KIAA1328: variants seen among roughly 807,000 people sequenced by gnomAD.
The protein encoded by KIAA1328 is protein hinderin.
A neutral mutation model predicts 68.1 loss-of-function variants in KIAA1328; 52 were observed. The ratio of observed to expected loss-of-function variants is 0.76; its 90% CI spans 0.61 to 0.96. KIAA1328 has a LOEUF of 0.96. KIAA1328 is among the 40% of genes least tolerant of loss of function. The pLI, the probability that KIAA1328 is intolerant of heterozygous loss-of-function variation, is 0.00. For missense variants in KIAA1328, 641 were observed against 677.6 expected, an observed-to-expected ratio of 0.95 and a Z score of 0.60; for synonymous variants, 232 against 239.4, an observed-to-expected ratio of 0.97 and a Z score of 0.28.
chr18:36,885,514 T>A (rs2048466456), intron 4 of KIAA1328, 43 bp from the exon 5 acceptor site: 3 of 1,235,316 alleles, frequency 2.4e-6, no homozygotes, highest in Non-Finnish European at 3.3e-6. Flanking sequence ...CATATTTAAT[T>A]TTATTCTGAT....
intron 6 of KIAA1328, among the ~76,000 whole-genome samples, chr18:37,027,842 G>A (rs991463587): frequency 6.6e-6 from 1 of 151,968 alleles, no homozygotes; most frequent in Non-Finnish European, 1.5e-5. Context: ...CAAAAGCAAT[G>A]GCAACAAAAG....
intron 1 of KIAA1328, among the ~76,000 whole-genome samples, chr18:36,831,383 G>A (rs758874111): frequency 3.9e-5 from 6 of 152,060 alleles, no homozygotes; most frequent in Non-Finnish European, 8.8e-5. Flanking sequence ...CACAAGGAAC[G>A]TTTTAGTACC....
chr18:37,020,589 GCT>G (rs953375608), intron 6 of KIAA1328, among the ~76,000 whole-genome samples: 1 of 152,172 alleles, frequency 6.6e-6, no homozygotes, highest in African/African-American at 2.4e-5. Flanking sequence ...AACTGTACCA[GCT>G]TCCTTTGTAA....
intron 6 of KIAA1328, 44 bp from the exon 7 acceptor site, chr18:37,066,846 T>G (rs1292930795): frequency 6.8e-7 from 1 of 1,472,140 alleles, no homozygotes; most frequent in Non-Finnish European, 9.0e-7. Context: ...AGAACTTGTT[T>G]TGTTGTGTTC....
chr18:37,122,299 A>G (rs2058291166), intron 7 of KIAA1328, among the ~76,000 whole-genome samples: 1 of 152,102 alleles, frequency 6.6e-6, no homozygotes, highest in Admixed American at 6.6e-5. Flanking sequence ...TTAGTAACAG[A>G]GAGAGTGAGA....
At chr18:37,178,498 T>C (rs1016703817) in intron 9 of KIAA1328, among the ~76,000 whole-genome samples, 6 of 152,190 alleles carry the variant, frequency 3.9e-5, no homozygotes, top group Non-Finnish European at 8.8e-5. Context: ...TTATGGACAC[T>C]TAGGTTGATT....
chr18:36,895,732 C>T, intron 5 of KIAA1328: 1 of 455,854 alleles, frequency 2.2e-6, no homozygotes, highest in Non-Finnish European at 4.4e-6. Context: ...AAGCTCTAAC[C>T]CCCAGTGAGA....
chr18:36,881,724 C>A (rs1376743918), intron 4 of KIAA1328, among the ~76,000 whole-genome samples: 1 of 152,104 alleles, frequency 6.6e-6, no homozygotes. Flanking sequence ...CTTTTGAAAC[C>A]AGTTTTTAAA....
intron 4 of KIAA1328, among the ~76,000 whole-genome samples, chr18:36,877,943 G>A (rs1209696534): frequency 1.3e-5 from 2 of 151,908 alleles, no homozygotes; most frequent in African/African-American, 4.8e-5. Context: ...CTGGGATTAC[G>A]GGCCTGAGCC....
intron 1 of KIAA1328, among the ~76,000 whole-genome samples, chr18:36,830,128 T>C (rs1233646122): frequency 1.3e-5 from 2 of 152,212 alleles, no homozygotes; most frequent in Non-Finnish European, 2.9e-5. Context: ...CTGTTACCTT[T>C]GGCAGAATCA....
At chr18:37,136,206 C>T (rs922506089) in intron 7 of KIAA1328, among the ~76,000 whole-genome samples, 1 of 152,136 alleles carries the variant, frequency 6.6e-6, no homozygotes, top group African/African-American at 2.4e-5. Flanking sequence ...TGTTGATTCA[C>T]CAGTGGACCT....
intron 7 of KIAA1328, chr18:37,084,136 A>G: frequency 6.7e-7 from 1 of 1,488,652 alleles, no homozygotes; most frequent in Non-Finnish European, 8.9e-7. Flanking sequence ...TTAAAAGCTC[A>G]GGCTCTGTTT....
chr18:37,067,428 T>C lies in KIAA1328; in HGVS notation c.1115T>C (p.Leu372Pro), dbSNP rs2056381108. The change falls in exon 7 of 10, where the codon CTT (leucine) becomes CCT (proline). Residue 372 changes from leucine to proline, a missense_variant. Coordinates refer to ENST00000280020, the MANE Select transcript of KIAA1328 (RefSeq NM_020776.3). ...ISEDRKQQLMLQKMELEIEKE... is the reference protein window; with the variant it reads ...ISEDRKQQLMPQKMELEIEKE... Reference sequence around the variant, plus strand: ...GAAGATAGAAAGCAGCAACTGATGCTTCAGAAAATGGAACTGGAAATTGAA... The same window carrying C: ...GAAGATAGAAAGCAGCAACTGATGCCTCAGAAAATGGAACTGGAAATTGAA... The C allele has an allele frequency of 6.2e-7, 1 of 1,602,764 alleles. No homozygotes were observed. The highest frequency in any genetic ancestry group is 1.3e-5 in the African/African-American group (1 of 74,840).
chr18:37,212,800 AACCTCC>A, intron 9 of KIAA1328, among the ~76,000 whole-genome samples: 1 of 152,274 alleles, frequency 6.6e-6, no homozygotes, highest in East Asian at 1.9e-4. Context: ...GGCTCACTGC[AACCTCC>A]ACCTCCTGGG....
intron 4 of KIAA1328, among the ~76,000 whole-genome samples, chr18:36,878,478 G>A (rs1445298017): frequency 6.6e-6 from 1 of 152,014 alleles, no homozygotes; most frequent in Non-Finnish European, 1.5e-5. Flanking sequence ...GATGAATCTG[G>A]TGATTATGTG....
chr18:37,167,996 C>T (rs1266955652), intron 8 of KIAA1328, among the ~76,000 whole-genome samples: 1 of 152,036 alleles, frequency 6.6e-6, no homozygotes, highest in Non-Finnish European at 1.5e-5. Flanking sequence ...CCGAATACAG[C>T]ATATTGAAAG....
chr18:36,952,213 T>C (rs2051188668), intron 5 of KIAA1328, among the ~76,000 whole-genome samples: 1 of 152,194 alleles, frequency 6.6e-6, no homozygotes, highest in South Asian at 2.1e-4. Context: ...TACATCTATA[T>C]ACTTCTTTTC....
intron 5 of KIAA1328, among the ~76,000 whole-genome samples, chr18:36,935,681 A>C (rs2050473322): frequency 6.6e-6 from 1 of 152,164 alleles, no homozygotes; most frequent in East Asian, 1.9e-4. Context: ...TAGGAAGGAA[A>C]AGGATGTATC....
At chr18:37,017,725 C>A (rs1229535047) in intron 6 of KIAA1328, among the ~76,000 whole-genome samples, 9 of 152,018 alleles carry the variant, frequency 5.9e-5, no homozygotes, top group Non-Finnish European at 1.0e-4. Context: ...GCCTTTCTGT[C>A]CTTTTTTAGG....
Sources: allele counts gnomAD v4.1 joint callset (sites outside exome capture counted in the v4.1 genomes callset), GRCh38; gene constraint gnomAD v4.1.1; transcripts MANE v1.5; gene names NCBI Gene and HGNC (gene_info 2026-07-23, HGNC 2026-07-21).